The following ANKH variants were observed in gnomAD, a reference collection of about 807,000 sequenced individuals.
ANKH encodes the protein ANKH inorganic pyrophosphate transport regulator, also known as mineralization regulator ANKH.
In ANKH, 15 loss-of-function variants were observed where a neutral mutation model predicts 49.0. The ratio of observed to expected loss-of-function variants is 0.31; its 90% CI spans 0.20 to 0.47. The LOEUF (loss-of-function observed/expected upper bound fraction) is 0.47. Ranked by LOEUF, ANKH falls within the 20% of genes least tolerant of loss-of-function variation. The pLI is 1.00. For missense variants in ANKH, 429 were observed against 652.0 expected (o/e 0.66, Z 3.72); for synonymous variants, 273 against 260.0 (o/e 1.05, Z -0.48).
In ANKH at chr5:14,725,841, G is replaced by A. The variant is rs1253455269; in HGVS notation, c.1012-9006C>T. ...GCTCACTGCAATCTCCGCTTCCCGG[G>A]TTCAAGAGATTCTCCCGCCTCAGCC... On this transcript the variant is annotated intron_variant, in intron 8 of 11. Coordinates refer to ENST00000284268, the MANE Select transcript of ANKH (RefSeq NM_054027.6). This position sits in a 1 kb window ranked among gnomAD's most constrained non-coding sequence, Gnocchi z 4.0. Among the ~76,000 whole-genome samples the A allele has an allele frequency of 6.6e-6, 1 of 152,250 alleles. No homozygotes were observed. The highest frequency in any genetic ancestry group is 1.9e-4 in the East Asian group (1 of 5,204).
chr5:14,768,205 T>G (rs995761370), intron 2 of ANKH: 2 of 152,352 alleles, frequency 1.3e-5, no homozygotes, highest in Admixed American at 6.5e-5. Flanking sequence ...GTCACGCGTC[T>G]TAAACAATCA....
intron 1 of ANKH, among the ~76,000 whole-genome samples, chr5:14,778,775 T>C (rs1233306532): frequency 6.6e-6 from 1 of 152,204 alleles, no homozygotes; most frequent in African/African-American, 2.4e-5. Context: ...TCTCTAGCCT[T>C]GGATTCACCT....
intron 1 of ANKH, among the ~76,000 whole-genome samples, chr5:14,817,004 C>T (rs549182413): frequency 4.6e-5 from 7 of 152,274 alleles, no homozygotes; most frequent in Admixed American, 2.0e-4. Flanking sequence ...TAATCTGCTT[C>T]GATGATCCCA....
chr5:14,778,254 T>G (rs568825597), intron 1 of ANKH, among the ~76,000 whole-genome samples: 19 of 152,336 alleles, frequency 1.2e-4, no homozygotes, highest in Admixed American at 1.2e-3. Context: ...GTAAACTCCC[T>G]GCTTTTTTGA....
rs1255173712 is a variant in ANKH, at chr5:14,797,407, T to G, written c.97-28216A>C. ...TGATCAGTACCACTGGAAGCTAAAA[T>G]AGTCTCATTGTGAGGTGACCACTGA... On this transcript the variant is annotated intron_variant, in intron 1 of 11. Coordinates refer to ENST00000284268, the MANE Select transcript of ANKH (RefSeq NM_054027.6). 55 of 1,610,924 alleles carry G rather than the reference T, an allele frequency of 3.4e-5. No individual in the cohort carries two copies. The East Asian group carries it at 1.2e-3, about 36-fold the overall frequency.
At chr5:14,817,343 G>A (rs1741069981) in intron 1 of ANKH, among the ~76,000 whole-genome samples, 1 of 152,058 alleles carries the variant, frequency 6.6e-6, no homozygotes, top group South Asian at 2.1e-4. Flanking sequence ...AAACATGAGT[G>A]GAAATGAGTG....
intron 1 of ANKH, among the ~76,000 whole-genome samples, chr5:14,778,404 G>A (rs1739700155): frequency 6.6e-6 from 1 of 152,094 alleles, no homozygotes; most frequent in Non-Finnish European, 1.5e-5. Context: ...TGCAGGGAAG[G>A]CATGTCAATA....
At chr5:14,845,416 ATAAAT>A (rs1378906189) in intron 1 of ANKH, among the ~76,000 whole-genome samples, 1 of 152,020 alleles carries the variant, frequency 6.6e-6, no homozygotes, top group East Asian at 1.9e-4. Context: ...ACAGTATAAA[ATAAAT>A]TAAAGAAAAT....
chr5:14,779,530 G>C (rs1486803330), intron 1 of ANKH, among the ~76,000 whole-genome samples: 1 of 152,226 alleles, frequency 6.6e-6, no homozygotes, highest in South Asian at 2.1e-4. Context: ...GGCAGGGACT[G>C]GGCGTATTTG....
At position 14,770,860 on chromosome 5, in the gene ANKH, A is replaced by G. The variant is rs1411125879; in HGVS notation, c.97-1669T>C. On this transcript the variant is annotated intron_variant, in intron 1 of 11. Coordinates refer to ENST00000284268, the MANE Select transcript of ANKH (RefSeq NM_054027.6). The surrounding 1 kb of genome is among the most constrained non-coding windows in gnomAD (Gnocchi z 4.1). ...ATGCAGAATGACATATATCCACAACATATTTTTAAGAAAAAAGATATGCTA... is the reference window on the plus strand; with the variant it reads ...ATGCAGAATGACATATATCCACAACGTATTTTTAAGAAAAAAGATATGCTA... 2.6e-5 allele frequency among the ~76,000 whole-genome samples: 4 copies of G among 152,224 alleles called. No individual in the cohort carries two copies. The highest frequency in any genetic ancestry group is 4.8e-5 in the African/African-American group (2 of 41,450).
At chr5:14,803,468 T>C (rs981715392) in intron 1 of ANKH, among the ~76,000 whole-genome samples, 2 of 152,074 alleles carry the variant, frequency 1.3e-5, no homozygotes, top group Admixed American at 6.5e-5. Context: ...TTGGTAGACA[T>C]GGGGTTTCGC....
chr5:14,862,548 C>T (rs557176885), intron 1 of ANKH, among the ~76,000 whole-genome samples: 1 of 152,266 alleles, frequency 6.6e-6, no homozygotes, highest in East Asian at 1.9e-4. Flanking sequence ...TCTCCACGTT[C>T]CCCAGCAGAG....
chr5:14,797,774 G>A (rs956791235), intron 1 of ANKH: 20 of 1,610,904 alleles, frequency 1.2e-5, no homozygotes, highest in South Asian at 3.3e-5. Flanking sequence ...CCTTTGGAAC[G>A]GCACTGATGT....
At chr5:14,851,126 A>C (rs1202510939) in intron 1 of ANKH, among the ~76,000 whole-genome samples, 1 of 152,032 alleles carries the variant, frequency 6.6e-6, no homozygotes, top group African/African-American at 2.4e-5. Context: ...AGGAAGCCTC[A>C]CTCTCTGTTC....
In ANKH at chr5:14,741,942, G is replaced by C. The variant is rs764680390; in HGVS notation, c.916-20C>G. 4 of 1,595,086 alleles carry C rather than the reference G, an allele frequency of 2.5e-6. No individual in the cohort carries two copies. The highest frequency in any genetic ancestry group is 3.4e-6 in the Non-Finnish European group (4 of 1,162,726). The stretch of plus-strand genomic sequence containing the variant: ...GTTATTCTGGGGAAAGAAAACCACA[G>C]TCATGAATGGGCCCGGCTTATCCTT... On this transcript the variant is annotated intron_variant, in intron 7 of 11. Transcript: ENST00000284268.
chr5:14,831,623 C>A (rs988940848), intron 1 of ANKH, among the ~76,000 whole-genome samples: 1 of 152,188 alleles, frequency 6.6e-6, no homozygotes. Flanking sequence ...ACACCATCCA[C>A]ACCAGAGAAA....
chr5:14,835,496 A>T (rs1351194104), intron 1 of ANKH, among the ~76,000 whole-genome samples: 1 of 152,140 alleles, frequency 6.6e-6, no homozygotes, highest in African/African-American at 2.4e-5. Context: ...AGCCACATGA[A>T]TCCTACACTC....
chr5:14,823,581 A>G (rs572424947), intron 1 of ANKH, among the ~76,000 whole-genome samples: 3 of 152,336 alleles, frequency 2.0e-5, no homozygotes, highest in South Asian at 2.1e-4. Flanking sequence ...AAAACTCACA[A>G]ATGACTTTCA....
At chr5:14,718,438 CTT>C (rs1219355899) in intron 8 of ANKH, among the ~76,000 whole-genome samples, 1 of 151,896 alleles carries the variant, frequency 6.6e-6, no homozygotes, top group African/African-American at 2.4e-5. Context: ...AAAAAAAAAA[CTT>C]TTCTCCACTG....
Sources: allele counts gnomAD v4.1 joint callset (sites outside exome capture counted in the v4.1 genomes callset), GRCh38; gene constraint gnomAD v4.1.1; non-coding constraint Gnocchi (gnomAD v3.1); transcripts MANE v1.5; gene names NCBI Gene and HGNC (gene_info 2026-07-23, HGNC 2026-07-21).